The following CHRNA7 variants were observed in gnomAD, a reference collection of about 807,000 sequenced individuals.
CHRNA7 encodes cholinergic receptor nicotinic alpha 7 subunit.
Under a neutral mutation model 48.0 loss-of-function variants are expected in CHRNA7, and 17 were observed. The observed-to-expected ratio is 0.35, with a 90% CI of 0.24 to 0.53. CHRNA7 has a LOEUF of 0.53. Among genes scored for constraint, CHRNA7 ranks in the 20% least tolerant of loss-of-function variants. The pLI is 0.92. For synonymous variants in CHRNA7, 75 were observed against 242.3 expected, an observed-to-expected ratio of 0.31 and a Z score of 6.41; for missense variants, 155 against 577.7, an observed-to-expected ratio of 0.27 and a Z score of 7.50.
chr15:32,079,497 A>G (rs987623842), intron 2 of CHRNA7, among the ~76,000 whole-genome samples: 2 of 152,048 alleles, frequency 1.3e-5, no homozygotes, highest in African/African-American at 4.8e-5. Context: ...AAACATTTCT[A>G]TATAACAACA....
At chr15:32,087,027 G>C (rs2050309055) in intron 2 of CHRNA7, among the ~76,000 whole-genome samples, 1 of 152,076 alleles carries the variant, frequency 6.6e-6, no homozygotes, top group Non-Finnish European at 1.5e-5. Context: ...CACAGCCCAG[G>C]AAGTCACTAT....
chr15:32,105,774 G>A (rs763411422), intron 3 of CHRNA7, among the ~76,000 whole-genome samples: 1 of 152,178 alleles, frequency 6.6e-6, no homozygotes, highest in Non-Finnish European at 1.5e-5. Context: ...TCCCTTAGAA[G>A]GTGTGCCCTC....
intron 9 of CHRNA7, chr15:32,166,445 A>AC (rs1232104604): frequency 6.6e-6 from 1 of 152,300 alleles, no homozygotes; most frequent in African/African-American, 2.4e-5. Flanking sequence ...ACAAAGGGTT[A>AC]TTTTTATAGC....
Position 32,088,119 on chromosome 15 carries a change from A to C in CHRNA7, c.196-13184A>C, listed in dbSNP as rs1328017175. Among the ~76,000 whole-genome samples, 4 of 152,318 alleles carry C rather than the reference A, an allele frequency of 2.6e-5. No homozygotes were observed. In the East Asian group the frequency reaches 7.7e-4, roughly 29 times the overall value. ...TCTACTCCTAACCCCCACCACTGGC[A>C]ACCACTGATAAATTTACAGTCTCTA... On this transcript the variant is annotated intron_variant, in intron 2 of 9. Coordinates refer to ENST00000306901, the MANE Select transcript of CHRNA7 (RefSeq NM_000746.6).
At chr15:32,106,391 G>GA (rs374965558) in intron 3 of CHRNA7, among the ~76,000 whole-genome samples, 7 of 152,026 alleles carry the variant, frequency 4.6e-5, no homozygotes, top group Non-Finnish European at 7.4e-5. Context: ...GTAAAAAAAA[G>GA]AAAAAAACTC....
chr15:32,141,962 A>G (rs764492701), intron 4 of CHRNA7, among the ~76,000 whole-genome samples: 3 of 152,206 alleles, frequency 2.0e-5, no homozygotes, highest in African/African-American at 7.2e-5. Flanking sequence ...ACTATGTTGA[A>G]TAGGAGTGGT....
chr15:32,058,243 C>A (rs775472952), intron 2 of CHRNA7, among the ~76,000 whole-genome samples: 7 of 152,196 alleles, frequency 4.6e-5, no homozygotes, highest in South Asian at 2.1e-4. Context: ...CTCTTCCATG[C>A]ACAAAGCAGT....
At chr15:32,047,399 G>T (rs376440963) in intron 2 of CHRNA7, among the ~76,000 whole-genome samples, 4 of 151,748 alleles carry the variant, frequency 2.6e-5, no homozygotes, top group East Asian at 1.9e-4. Context: ...CCCTTGTAAG[G>T]TGGATTCCTA....
At position 32,170,309 on chromosome 15, in the gene CHRNA7, C is replaced by CACTT. The variant is rs781486726; in HGVS notation, c.*1854_*1857dup. 1.0e-4 allele frequency: 13 copies of CACTT among 127,648 alleles called. No homozygotes were observed. The highest frequency in any genetic ancestry group is 1.6e-5 in the Non-Finnish European group (1 of 61,150). The allele number at this position is 127,648 out of a possible 1,614,324, so 7.9% of individuals were successfully genotyped here. ...GTACCTTGTGTGTGACAAGAGACCTCACTTACGAGAAAGTTGGTGGATCAG... is the reference window on the plus strand; with the variant it reads ...GTACCTTGTGTGTGACAAGAGACCTCACTTACTTACGAGAAAGTTGGTGGATCAG... On this transcript the variant is annotated 3_prime_UTR_variant, in exon 10 of 10. Transcript: ENST00000306901.
chr15:32,101,231 G>A (rs1462817935), intron 2 of CHRNA7, 72 bp from the exon 3 acceptor site: 9 of 1,505,424 alleles, frequency 6.0e-6, no homozygotes, highest in Non-Finnish European at 8.2e-6. Context: ...AGATCCCCAT[G>A]TGAATAATTG....
At chr15:32,080,613 G>A (rs2050201130) in intron 2 of CHRNA7, among the ~76,000 whole-genome samples, 1 of 152,166 alleles carries the variant, frequency 6.6e-6, no homozygotes, top group African/African-American at 2.4e-5. Context: ...ATGCCAGTCA[G>A]AATGGCGATT....
intron 9 of CHRNA7, chr15:32,166,262 C>T (rs1460558042): frequency 6.6e-6 from 1 of 152,380 alleles, no homozygotes; most frequent in African/African-American, 2.4e-5. Context: ...CTGAAAGGCC[C>T]AAGTGAGATG....
chr15:32,031,648 G>A (rs1901847816), intron 2 of CHRNA7, among the ~76,000 whole-genome samples: 1 of 152,230 alleles, frequency 6.6e-6, no homozygotes, highest in Non-Finnish European at 1.5e-5. Flanking sequence ...AGGAATACAT[G>A]TGTCTGTCCC....
At chr15:32,058,094 T>A (rs2049816833) in intron 2 of CHRNA7, among the ~76,000 whole-genome samples, 1 of 152,204 alleles carries the variant, frequency 6.6e-6, no homozygotes, top group South Asian at 2.1e-4. Context: ...CTAGTGGTCC[T>A]AGGAGCAGTA....
Position 32,149,407 on chromosome 15 carries a change from T to C in CHRNA7, c.351-4500T>C, listed in dbSNP as rs1007722096. On this transcript the variant is annotated intron_variant, in intron 4 of 9. Transcript: ENST00000306901. This position sits in a 1 kb window ranked among gnomAD's most constrained non-coding sequence, Gnocchi z 4.6. ...GGTGCTGTGGCCACTGAGGTCCTCATAGGGGTTCTGGCCACTCACATTTCC... is the reference window on the plus strand; with the variant it reads ...GGTGCTGTGGCCACTGAGGTCCTCACAGGGGTTCTGGCCACTCACATTTCC... Among the ~76,000 whole-genome samples, 5 of 152,126 alleles carry C rather than the reference T, an allele frequency of 3.3e-5. No individual in the cohort carries two copies. Among genetic ancestry groups the C allele is most frequent in the African/African-American group, 1.2e-4 (5 of 41,434 alleles).
chr15:32,063,370 G>A (rs903248751), intron 2 of CHRNA7, among the ~76,000 whole-genome samples: 4 of 152,154 alleles, frequency 2.6e-5, no homozygotes, highest in African/African-American at 9.7e-5. Context: ...ATGTCATTAT[G>A]TGACACATAA....
At chr15:32,129,158 A>G (rs1192219900) in intron 4 of CHRNA7, among the ~76,000 whole-genome samples, 2 of 151,866 alleles carry the variant, frequency 1.3e-5, no homozygotes, top group Admixed American at 1.3e-4. Context: ...TGTATTGCCA[A>G]TATTTTATTA....
intron 4 of CHRNA7, among the ~76,000 whole-genome samples, chr15:32,115,558 A>G (rs1211595714): frequency 2.6e-5 from 4 of 151,984 alleles, no homozygotes; most frequent in Admixed American, 6.6e-5. Context: ...TGATGCACCA[A>G]TGCTTCCAGG....
At chr15:32,093,900 G>C (rs1442882351) in intron 2 of CHRNA7, among the ~76,000 whole-genome samples, 1 of 152,124 alleles carries the variant, frequency 6.6e-6, no homozygotes, top group South Asian at 2.1e-4. Context: ...GATTAACTTT[G>C]GTAGTTAAAA....
Sources: gnomAD v4.1 joint callset for allele counts (sites outside exome capture counted in the v4.1 genomes callset) on GRCh38, gnomAD v4.1.1 for gene constraint, Gnocchi (gnomAD v3.1) non-coding constraint, MANE v1.5 for transcripts, NCBI Gene and HGNC (gene_info 2026-07-23, HGNC 2026-07-21) for gene names.